Variants in CLVS1 observed in about 807,000 individuals in gnomAD.
CLVS1 encodes the protein clavesin-1.
In CLVS1, 10 loss-of-function variants were observed where a neutral mutation model predicts 33.1. The observed-to-expected ratio is 0.30, with a 90% CI of 0.19 to 0.51. The LOEUF (loss-of-function observed/expected upper bound fraction) is 0.51. CLVS1 is among the 20% of genes least tolerant of loss of function. The pLI is 0.97. For synonymous variants in CLVS1, 163 were observed against 166.1 expected (o/e 0.98, Z 0.14); for missense variants, 343 against 433.4 (o/e 0.79, Z 1.85).
At chr8:61,266,573 C>A (rs1255082727) in intron 2 of CLVS1, among the ~76,000 whole-genome samples, 2 of 152,038 alleles carry the variant, frequency 1.3e-5, no homozygotes, top group Admixed American at 1.3e-4. Flanking sequence ...TGTTGAAATC[C>A]TCTTTCATCC....
chr8:61,351,089 A>AT (rs907743100), intron 2 of CLVS1, among the ~76,000 whole-genome samples: 7 of 152,114 alleles, frequency 4.6e-5, no homozygotes, highest in East Asian at 1.9e-4. Flanking sequence ...TCAGGTATGG[A>AT]TTTTTTTCTC....
At chr8:61,120,859 T>C (rs1271169922) in intron 1 of CLVS1, among the ~76,000 whole-genome samples, 1 of 147,834 alleles carries the variant, frequency 6.8e-6, no homozygotes, top group Non-Finnish European at 1.5e-5. Context: ...AGGTGGAGCC[T>C]ACAGAGGCAG....
At chr8:61,229,604 TGA>T (rs1372109694) in intron 2 of CLVS1, among the ~76,000 whole-genome samples, 2 of 152,216 alleles carry the variant, frequency 1.3e-5, no homozygotes, top group African/African-American at 4.8e-5. Flanking sequence ...AAGAAACGCC[TGA>T]GTCATGGAGC....
the CLVS1 span, among the ~76,000 whole-genome samples, chr8:61,006,195 G>A: frequency 6.6e-6 from 1 of 152,192 alleles, no homozygotes; most frequent in Non-Finnish European, 1.5e-5. Context: ...AAGAGCTAGT[G>A]AACTGTGCTG....
intron 1 of CLVS1, among the ~76,000 whole-genome samples, chr8:61,104,239 A>G (rs942360824): frequency 5.3e-5 from 8 of 152,214 alleles, no homozygotes; most frequent in Non-Finnish European, 7.3e-5. Flanking sequence ...AGACAGCAAA[A>G]GAAGAAACCT....
intron 1 of CLVS1, among the ~76,000 whole-genome samples, chr8:61,125,068 C>G (rs113570547): frequency 3.3e-5 from 5 of 152,132 alleles, no homozygotes; most frequent in African/African-American, 1.2e-4. Flanking sequence ...TCTAGTTCAC[C>G]TCTTTGGTAG....
Position 61,290,370 on chromosome 8 carries a change from A to T in CLVS1, c.-152+2232A>T, listed in dbSNP as rs143018519. Among the ~76,000 whole-genome samples, 46 of 152,332 alleles carry T rather than the reference A, an allele frequency of 3.0e-4. No individual in the cohort carries two copies. In the East Asian group the frequency reaches 8.5e-3, roughly 28 times the overall value. ...TTCTATTGAGAGCTATTTTGCCTTT[A>T]AAAAATATTTTCAGTAACAGAAATT... is the stretch of plus-strand genomic sequence containing the variant. On this transcript the variant is annotated intron_variant, in intron 1 of 5. Transcript: ENST00000325897.
At chr8:61,221,730 A>C (rs1238353457) in intron 2 of CLVS1, among the ~76,000 whole-genome samples, 1 of 152,058 alleles carries the variant, frequency 6.6e-6, no homozygotes, top group Non-Finnish European at 1.5e-5. Flanking sequence ...CCTGCTTTTC[A>C]ATTGTTTGGA....
At chr8:61,398,892 T>A (rs979200155) in intron 3 of CLVS1, among the ~76,000 whole-genome samples, 4 of 152,234 alleles carry the variant, frequency 2.6e-5, no homozygotes, top group African/African-American at 7.2e-5. Context: ...TATTCCTTTT[T>A]ATGGCTGCAT....
chr8:61,095,096 A>G (rs1343696635), intron 1 of CLVS1, among the ~76,000 whole-genome samples: 1 of 152,208 alleles, frequency 6.6e-6, no homozygotes, highest in South Asian at 2.1e-4. Flanking sequence ...TTAAGTCTCT[A>G]TCTCCTTTCA....
At chr8:60,966,822 C>T in the CLVS1 span, among the ~76,000 whole-genome samples, 7 of 152,042 alleles carry the variant, frequency 4.6e-5, no homozygotes, top group Admixed American at 1.3e-4. Context: ...TGTATTTTTA[C>T]GTTTCCAGGC....
At chr8:61,090,309 C>T (rs574536438) in intron 1 of CLVS1, among the ~76,000 whole-genome samples, 4 of 152,306 alleles carry the variant, frequency 2.6e-5, no homozygotes, top group South Asian at 2.1e-4. Flanking sequence ...TCAGAAGTCA[C>T]GTGTACTTCC....
intron 3 of CLVS1, among the ~76,000 whole-genome samples, chr8:61,408,527 GA>G (rs1470284942): frequency 2.0e-5 from 3 of 152,174 alleles, no homozygotes; most frequent in African/African-American, 7.2e-5. Context: ...CAGGCCAGGG[GA>G]CTGGGTTTTG....
intron 2 of CLVS1, among the ~76,000 whole-genome samples, chr8:61,146,582 G>A (rs1638489835): frequency 6.6e-6 from 1 of 152,222 alleles, no homozygotes; most frequent in Non-Finnish European, 1.5e-5. Flanking sequence ...GAACCATGTA[G>A]CATGGTGAAA....
At chr8:61,173,442 A>C (rs1314815360) in intron 2 of CLVS1, among the ~76,000 whole-genome samples, 1 of 152,116 alleles carries the variant, frequency 6.6e-6, no homozygotes, top group Non-Finnish European at 1.5e-5. Context: ...AACTTAGATC[A>C]TCTATTTGTG....
At chr8:61,244,650 A>C (rs1292220351) in intron 2 of CLVS1, among the ~76,000 whole-genome samples, 1 of 152,192 alleles carries the variant, frequency 6.6e-6, no homozygotes, top group Non-Finnish European at 1.5e-5. Context: ...ATTAGTGATA[A>C]TGCCATATTG....
At chr8:61,192,058 T>C (rs1807495663) in intron 2 of CLVS1, among the ~76,000 whole-genome samples, 1 of 152,090 alleles carries the variant, frequency 6.6e-6, no homozygotes, top group Non-Finnish European at 1.5e-5. Context: ...AAAAAGAGCC[T>C]GCATTGCCAA....
intron 1 of CLVS1, among the ~76,000 whole-genome samples, chr8:61,096,640 T>C (rs936884225): frequency 3.3e-5 from 5 of 152,174 alleles, no homozygotes; most frequent in Admixed American, 1.3e-4. Flanking sequence ...TATTCAGTTT[T>C]TCCCCCCTCT....
At chr8:61,411,987 A>G (rs1309990503) in intron 3 of CLVS1, among the ~76,000 whole-genome samples, 1 of 152,142 alleles carries the variant, frequency 6.6e-6, no homozygotes, top group Non-Finnish European at 1.5e-5. Flanking sequence ...ACCGGGAAAA[A>G]GGCCCAAGGG....
Sources: gnomAD v4.1 joint callset for allele counts (sites outside exome capture counted in the v4.1 genomes callset) on GRCh38, gnomAD v4.1.1 for gene constraint, MANE v1.5 for transcripts, NCBI Gene and HGNC (gene_info 2026-07-23, HGNC 2026-07-21) for gene names.